Variants in GPHN observed in about 807,000 individuals in gnomAD.
The protein encoded by GPHN is gephyrin.
Under a neutral mutation model 95.5 loss-of-function variants are expected in GPHN, and 17 were observed. That is an observed-to-expected ratio of 0.18 (90% CI 0.12 to 0.27). GPHN has a LOEUF of 0.27. GPHN is among the 10% of genes least tolerant of loss of function. GPHN has a pLI of 1.00. For synonymous variants in GPHN, 320 were observed against 322.5 expected, an observed-to-expected ratio of 0.99 and a Z score of 0.08; for missense variants, 660 against 978.1, an observed-to-expected ratio of 0.67 and a Z score of 4.34.
chr14:67,006,182 CT>C (rs897446262), intron 9 of GPHN, among the ~76,000 whole-genome samples: 5 of 152,012 alleles, frequency 3.3e-5, no homozygotes, highest in African/African-American at 1.2e-4. Context: ...TCAGAAAGAC[CT>C]TAAACATATT....
chr14:67,538,788 A>G, the GPHN span, among the ~76,000 whole-genome samples: 1 of 152,150 alleles, frequency 6.6e-6, no homozygotes, highest in Non-Finnish European at 1.5e-5. Context: ...CAGGGAGAGG[A>G]TTAAACAGAC....
chr14:67,411,168 A>G, the GPHN span, among the ~76,000 whole-genome samples: 3 of 149,980 alleles, frequency 2.0e-5, no homozygotes, highest in Non-Finnish European at 3.0e-5. Flanking sequence ...AGGTCAAATC[A>G]GGAAAAAATT....
chr14:67,397,752 C>G, the GPHN span: 8 of 1,613,576 alleles, frequency 5.0e-6, no homozygotes, highest in Non-Finnish European at 6.8e-6. Context: ...TCCGACCCCC[C>G]TCAAGCTTGT....
chr14:66,607,690 G>A (rs189171789), intron 1 of GPHN, among the ~76,000 whole-genome samples: 6 of 151,900 alleles, frequency 3.9e-5, no homozygotes, highest in Non-Finnish European at 7.4e-5. Flanking sequence ...CTTGTTATTG[G>A]TCTTTTCAGG....
At chr14:66,718,827 G>T (rs543102291) in intron 2 of GPHN, among the ~76,000 whole-genome samples, 3 of 152,316 alleles carry the variant, frequency 2.0e-5, no homozygotes, top group South Asian at 2.1e-4. Context: ...ACCATCAGGT[G>T]GGGGCAGGGC....
At chr14:67,554,670 G>A in the GPHN span, among the ~76,000 whole-genome samples, 6 of 152,212 alleles carry the variant, frequency 3.9e-5, no homozygotes, top group Non-Finnish European at 7.3e-5. Context: ...AAGAATGGGA[G>A]CTGACATCTA....
chr14:66,610,589 T>C (rs1305606396), intron 1 of GPHN, among the ~76,000 whole-genome samples: 1 of 152,186 alleles, frequency 6.6e-6, no homozygotes, highest in Non-Finnish European at 1.5e-5. Flanking sequence ...AGTATTTTTG[T>C]TATTGCCATT....
chr14:66,537,638 A>G (rs759671404), intron 1 of GPHN, among the ~76,000 whole-genome samples: 2 of 152,014 alleles, frequency 1.3e-5, no homozygotes, highest in African/African-American at 4.8e-5. Flanking sequence ...TACCCTTTCT[A>G]ATGCTCATAA....
the GPHN span, chr14:67,577,255 C>T: frequency 8.1e-7 from 1 of 1,227,708 alleles, no homozygotes; most frequent in South Asian, 1.3e-5. Flanking sequence ...GATGAGTCCC[C>T]TCTCAGTAGT....
the GPHN span, among the ~76,000 whole-genome samples, chr14:67,668,015 T>C: frequency 3.9e-5 from 6 of 152,162 alleles, no homozygotes; most frequent in Non-Finnish European, 1.5e-5. Context: ...CTGTAAGTAA[T>C]TGGTGTTTAT....
the GPHN span, chr14:67,583,831 G>A: frequency 3.7e-6 from 6 of 1,613,420 alleles, no homozygotes; most frequent in African/African-American, 8.0e-5. Flanking sequence ...GCAGGTCCTA[G>A]ACAGGTTCCA....
chr14:66,511,249 T>C (rs1594772408), intron 1 of GPHN, among the ~76,000 whole-genome samples: 1 of 152,178 alleles, frequency 6.6e-6, no homozygotes, highest in East Asian at 1.9e-4. Context: ...TTGTGTATTC[T>C]AGAACTTGAG....
At chr14:67,233,982 A>C in the GPHN span, among the ~76,000 whole-genome samples, 2 of 152,218 alleles carry the variant, frequency 1.3e-5, no homozygotes, top group Non-Finnish European at 2.9e-5. Flanking sequence ...AAGCCATGAG[A>C]TCAGATGAAA....
At chr14:67,619,772 G>C in the GPHN span, 2 of 539,322 alleles carry the variant, frequency 3.7e-6, no homozygotes, top group East Asian at 3.4e-5. Flanking sequence ...GCACGTCCCA[G>C]CCTTGCAGAG....
intron 11 of GPHN, among the ~76,000 whole-genome samples, chr14:67,074,945 C>T (rs1014363254): frequency 1.3e-5 from 2 of 152,176 alleles, no homozygotes; most frequent in African/African-American, 4.8e-5. Flanking sequence ...GTAGAAGCAA[C>T]AGCAAGTTAT....
At chr14:67,359,608 C>G in the GPHN span, 1 of 1,608,672 alleles carries the variant, frequency 6.2e-7, no homozygotes, top group South Asian at 1.1e-5. Flanking sequence ...AGGGACCGCG[C>G]TCCGGGTTCC....
intron 3 of GPHN, among the ~76,000 whole-genome samples, chr14:66,819,549 G>C (rs1176621428): frequency 1.3e-5 from 2 of 151,994 alleles, no homozygotes; most frequent in African/African-American, 4.8e-5. Flanking sequence ...ATGCTGTTTT[G>C]GTTACTGTAG....
intron 4 of GPHN, among the ~76,000 whole-genome samples, chr14:66,856,720 T>C (rs939567985): frequency 1.3e-5 from 2 of 152,078 alleles, no homozygotes; most frequent in Non-Finnish European, 2.9e-5. Flanking sequence ...TGAAATAATA[T>C]GCAAAAACTT....
chr14:67,495,873 A>G, the GPHN span, among the ~76,000 whole-genome samples: 1 of 152,136 alleles, frequency 6.6e-6, no homozygotes, highest in Non-Finnish European at 1.5e-5. Flanking sequence ...CCATGTTCCT[A>G]CCTTCTGATC....
Sources: allele counts gnomAD v4.1 joint callset (sites outside exome capture counted in the v4.1 genomes callset), GRCh38; gene constraint gnomAD v4.1.1; transcripts MANE v1.5; gene names NCBI Gene and HGNC (gene_info 2026-07-23, HGNC 2026-07-21).